The following AGBL1 variants were observed in gnomAD, a reference collection of about 807,000 sequenced individuals.
The protein encoded by AGBL1 is cytosolic carboxypeptidase 4.
AGBL1 carries 130 observed loss-of-function variants against 118.9 expected under a neutral mutation model. The ratio of observed to expected loss-of-function variants is 1.09; its 90% confidence interval spans 0.95 to 1.26. The LOEUF (loss-of-function observed/expected upper bound fraction) is 1.26. AGBL1 is among the 50% of genes most tolerant of loss of function. The pLI is 0.00. For missense variants in AGBL1, 1,584 were observed against 1,298.1 expected, an observed-to-expected ratio of 1.22 and a Z score of -3.38; for synonymous variants, 555 against 478.9, an observed-to-expected ratio of 1.16 and a Z score of -2.08.
intron 23 of AGBL1, among the ~76,000 whole-genome samples, chr15:86,981,162 C>G (rs375401807): frequency 3.0e-4 from 46 of 152,226 alleles, no homozygotes; most frequent in African/African-American, 1.1e-3. Flanking sequence ...GCTGGGATTG[C>G]AAAAACATTC....
intron 5 of AGBL1, among the ~76,000 whole-genome samples, chr15:86,187,343 G>A (rs1415001231): frequency 6.6e-6 from 1 of 152,186 alleles, no homozygotes; most frequent in Non-Finnish European, 1.5e-5. Context: ...CTTGTTGGAA[G>A]CTATAGTTAA....
intron 17 of AGBL1, among the ~76,000 whole-genome samples, chr15:86,369,406 A>G (rs1454454918): frequency 6.6e-6 from 1 of 152,184 alleles, no homozygotes; most frequent in Non-Finnish European, 1.5e-5. Context: ...GAAAACCACT[A>G]AAGTCAAGAC....
intron 21 of AGBL1, among the ~76,000 whole-genome samples, chr15:86,558,431 A>G (rs1293354000): frequency 6.6e-6 from 1 of 152,120 alleles, no homozygotes; most frequent in Non-Finnish European, 1.5e-5. Flanking sequence ...AGATATCCCT[A>G]TAGGATTAGC....
At chr15:86,539,677 C>A (rs1013258131) in intron 19 of AGBL1, among the ~76,000 whole-genome samples, 6 of 152,206 alleles carry the variant, frequency 3.9e-5, no homozygotes, top group Non-Finnish European at 8.8e-5. Context: ...ATCTACAGAT[C>A]CTTCTTGCTG....
intron 22 of AGBL1, among the ~76,000 whole-genome samples, chr15:86,761,105 A>T (rs1474939312): frequency 6.6e-6 from 1 of 152,074 alleles, no homozygotes; most frequent in Non-Finnish European, 1.5e-5. Context: ...TCTTCCTTAG[A>T]CAAGTACCCC....
At chr15:86,098,470 A>T (rs1896517190) in intron 1 of AGBL1, among the ~76,000 whole-genome samples, 1 of 152,084 alleles carries the variant, frequency 6.6e-6, no homozygotes, top group Non-Finnish European at 1.5e-5. Flanking sequence ...TCTTTAATCC[A>T]TCTTGAGTTG....
chr15:86,282,234 C>CA (rs2079366278), intron 16 of AGBL1, among the ~76,000 whole-genome samples: 2 of 152,052 alleles, frequency 1.3e-5, no homozygotes, highest in East Asian at 1.9e-4. Context: ...ACAAAACACA[C>CA]AAAAAAGAGG....
chr15:86,230,139 G>A (rs1316126441), intron 6 of AGBL1, among the ~76,000 whole-genome samples: 1 of 152,200 alleles, frequency 6.6e-6, no homozygotes, highest in African/African-American at 2.4e-5. Flanking sequence ...GGTTCACAGG[G>A]ACAGCCCGTC....
Position 86,695,822 on chromosome 15 carries a change from T to C in AGBL1, c.3158+21386T>C, listed in dbSNP as rs578060559. Among the ~76,000 whole-genome samples, 194 of 152,152 alleles carry C rather than the reference T, an allele frequency of 1.3e-3. 1 individual carries two copies. Among genetic ancestry groups the C allele is most frequent in the Non-Finnish European group, 2.5e-3 (171 of 67,946 alleles). ...TATTATTGTTCAGTTCAAATAACTT[T>C]TTAATTTCCATCTTGATTTCATTAT... is the stretch of plus-strand genomic sequence containing the variant. On this transcript the variant is annotated intron_variant, in intron 22 of 22. Coordinates refer to ENST00000614907, the MANE Select transcript of AGBL1 (RefSeq NM_001386094.1).
At chr15:86,682,530 G>A (rs1055970046) in intron 22 of AGBL1, among the ~76,000 whole-genome samples, 1 of 152,040 alleles carries the variant, frequency 6.6e-6, no homozygotes, top group Non-Finnish European at 1.5e-5. Context: ...GAGCAATTTG[G>A]CAGTTTGTAA....
intron 21 of AGBL1, among the ~76,000 whole-genome samples, chr15:86,561,273 G>T (rs1044382096): frequency 2.0e-5 from 3 of 152,168 alleles, no homozygotes; most frequent in Non-Finnish European, 4.4e-5. Context: ...TTTTCTTCTA[G>T]GGTTTTTATG....
At chr15:86,701,772 C>T (rs1000304427) in intron 22 of AGBL1, among the ~76,000 whole-genome samples, 1 of 147,422 alleles carries the variant, frequency 6.8e-6, no homozygotes, top group African/African-American at 2.5e-5. Flanking sequence ...CTTCCTTTCA[C>T]TCCTCTCCCC....
chr15:86,316,071 G>C (rs1199419753), intron 17 of AGBL1, among the ~76,000 whole-genome samples: 2 of 152,062 alleles, frequency 1.3e-5, no homozygotes, highest in Non-Finnish European at 2.9e-5. Context: ...TCTAATTTTT[G>C]CTTTGGCAAA....
At chr15:86,282,589 C>G (rs1382266875) in intron 16 of AGBL1, among the ~76,000 whole-genome samples, 1 of 152,064 alleles carries the variant, frequency 6.6e-6, no homozygotes, top group Non-Finnish European at 1.5e-5. Flanking sequence ...GGTCTTTGTC[C>G]TCTCTAGGTT....
intron 15 of AGBL1, among the ~76,000 whole-genome samples, chr15:86,278,020 G>A (rs1489539184): frequency 1.3e-5 from 2 of 152,322 alleles, no homozygotes; most frequent in African/African-American, 4.8e-5. Context: ...CTTTACAAGG[G>A]AAATCAGAAA....
In AGBL1 at chr15:86,271,654, C is replaced by G. The variant is rs147544569; in HGVS notation, c.2023C>G (p.Leu675Val). The G allele has an allele frequency of 2.2e-4, 355 of 1,613,368 alleles. 2 individuals are homozygous for G. The East Asian group carries it at 7.9e-3, about 36-fold the overall frequency. The change falls in exon 15 of 23, where the codon CTT becomes GTT. Residue 675 changes from leucine (L) to valine (V), a missense_variant. Transcript: ENST00000614907. ...QPTLYSVKEA[L>V]LGKPTWIRTG... ...CACCCTATATTCTGTGAAGGAGGCT[C>G]TTCTTGGCAAACCCACCTGGATAAG... is the stretch of plus-strand genomic sequence containing the variant.
intron 18 of AGBL1, among the ~76,000 whole-genome samples, chr15:86,455,553 A>G (rs2082249154): frequency 6.6e-6 from 1 of 152,198 alleles, no homozygotes; most frequent in South Asian, 2.1e-4. Context: ...TATGTGAACA[A>G]TCTTTGTAAA....
chr15:86,485,397 A>T (rs1271797291), intron 18 of AGBL1, among the ~76,000 whole-genome samples: 5 of 151,866 alleles, frequency 3.3e-5, no homozygotes, highest in Non-Finnish European at 5.9e-5. Context: ...AACTATACTT[A>T]TTTTAATACA....
At chr15:86,240,337 A>G (rs1449804436) in intron 6 of AGBL1, among the ~76,000 whole-genome samples, 1 of 152,194 alleles carries the variant, frequency 6.6e-6, no homozygotes, top group Non-Finnish European at 1.5e-5. Context: ...CTTAGTAGAG[A>G]CTACTTTATC....
Sources: allele counts gnomAD v4.1 joint callset (sites outside exome capture counted in the v4.1 genomes callset), GRCh38; gene constraint gnomAD v4.1.1; transcripts MANE v1.5; gene names NCBI Gene and HGNC (gene_info 2026-07-23, HGNC 2026-07-21).